Variants in TBC1D32 observed in about 807,000 individuals in gnomAD.
TBC1D32 encodes TBC1 domain family member 32, also known as protein broad-minded.
In TBC1D32, 151 loss-of-function variants were observed where a neutral mutation model predicts 170.3. The ratio of observed to expected loss-of-function variants is 0.89; its 90% CI spans 0.78 to 1.01. The LOEUF is 1.01. Among genes scored for constraint, TBC1D32 ranks in the 50% least tolerant of loss-of-function variants. The pLI is 0.00. For missense variants in TBC1D32, 1,464 were observed against 1,457.1 expected, an observed-to-expected ratio of 1.00 and a Z score of -0.08; for synonymous variants, 498 against 488.0, an observed-to-expected ratio of 1.02 and a Z score of -0.27.
intron 15 of TBC1D32, among the ~76,000 whole-genome samples, chr6:121,264,466 A>G (rs886923989): frequency 6.6e-6 from 1 of 152,192 alleles, no homozygotes; most frequent in Non-Finnish European, 1.5e-5. Flanking sequence ...ATGGATTCAC[A>G]GCCAAATTCT....
intron 12 of TBC1D32, among the ~76,000 whole-genome samples, chr6:121,290,592 C>T (rs1250223248): frequency 2.0e-5 from 3 of 152,288 alleles, no homozygotes; most frequent in African/African-American, 2.4e-5. Context: ...GTCAGTGTGG[C>T]GATTCCTCAG....
intron 9 of TBC1D32, among the ~76,000 whole-genome samples, 156 bp from the exon 10 acceptor site, chr6:121,299,661 A>G (rs1195496532): frequency 6.6e-6 from 1 of 152,196 alleles, no homozygotes; most frequent in Non-Finnish European, 1.5e-5. Context: ...TGTGCATTGT[A>G]TTAGGAGCAA....
intron 24 of TBC1D32, among the ~76,000 whole-genome samples, chr6:121,142,332 C>T (rs759889437): frequency 5.9e-5 from 9 of 152,314 alleles, no homozygotes; most frequent in Non-Finnish European, 1.2e-4. Context: ...AGCGCCACTT[C>T]GGATGTTCTA....
chr6:121,215,855 A>C (rs1180294289), intron 21 of TBC1D32, among the ~76,000 whole-genome samples: 1 of 152,348 alleles, frequency 6.6e-6, no homozygotes, highest in South Asian at 2.1e-4. Flanking sequence ...AGAGTAACAG[A>C]TGATGGTGAA....
Position 121,308,081 on chromosome 6 carries a change from T to C in TBC1D32, c.585A>G (p.Gln195=), listed in dbSNP as rs1176839115. 1.2e-6 allele frequency: 2 copies of C among 1,613,254 alleles called. No homozygotes were observed. Among genetic ancestry groups the C allele is most frequent in the Non-Finnish European group, 8.5e-7 (1 of 1,179,792 alleles). Residue 195 remains glutamine, a synonymous_variant, in exon 5 of 32, where the codon CAA becomes CAG. Coordinates refer to ENST00000398212, the MANE Select transcript of TBC1D32 (RefSeq NM_152730.6). ...QPKEVRYEAL[Q]TLCSAPPSDV... is the part of the protein sequence containing the mutation. ...CAGATGGAGGAGCTGAACATAATGTTTGCAAGGCTTCATATCTCACCTACA... is the reference window on the plus strand; with the variant it reads ...CAGATGGAGGAGCTGAACATAATGTCTGCAAGGCTTCATATCTCACCTACA...
chr6:121,227,228 A>G (rs1427778153), intron 20 of TBC1D32, among the ~76,000 whole-genome samples: 3 of 152,184 alleles, frequency 2.0e-5, no homozygotes, highest in African/African-American at 7.2e-5. Context: ...CTAAGAATGC[A>G]TTTAGATTCA....
At chr6:121,183,211 G>A (rs188524444) in intron 22 of TBC1D32, among the ~76,000 whole-genome samples, 71 of 152,118 alleles carry the variant, frequency 4.7e-4, no homozygotes, top group African/African-American at 1.4e-3. Flanking sequence ...TCTGTACACC[G>A]AAGGAAAGAC....
intron 11 of TBC1D32, among the ~76,000 whole-genome samples, chr6:121,294,013 T>C (rs1805251555): frequency 6.6e-6 from 1 of 152,006 alleles, no homozygotes; most frequent in Non-Finnish European, 1.5e-5. Flanking sequence ...AATAATGTTG[T>C]ATAGGCATTG....
At chr6:121,332,676 G>A (rs908958257) in intron 1 of TBC1D32, among the ~76,000 whole-genome samples, 11 of 152,096 alleles carry the variant, frequency 7.2e-5, no homozygotes, top group African/African-American at 2.7e-4. Context: ...GGATGTGTGT[G>A]AGGTAAATTA....
chr6:121,321,532 C>T, intron 2 of TBC1D32, 101 bp downstream of exon 2: 1 of 1,112,344 alleles, frequency 9.0e-7, no homozygotes, highest in South Asian at 1.8e-5. Flanking sequence ...ATCATTCTGG[C>T]TGCTATGAGG....
chr6:121,085,258 C>CACATATATACATATATACGTATATATAT lies in TBC1D32; in HGVS notation c.3655-4396_3655-4369dup, dbSNP rs1562424812. Among the ~76,000 whole-genome samples the CACATATATACATATATACGTATATATAT allele has an allele frequency of 4.3e-4, 63 of 145,494 alleles. 1 individual carries two copies. The South Asian group carries it at 0.011, about 26-fold the overall frequency. On this transcript the variant is annotated intron_variant, in intron 31 of 31. Coordinates refer to ENST00000398212, the MANE Select transcript of TBC1D32 (RefSeq NM_152730.6). ...ACACATATACATACGTATATATATA[C>CACATATATACATATATACGTATATATAT]ACATATATACATATATACGTATATA...
chr6:121,294,863 T>C (rs1313209944), intron 10 of TBC1D32, among the ~76,000 whole-genome samples: 1 of 152,190 alleles, frequency 6.6e-6, no homozygotes, highest in Non-Finnish European at 1.5e-5. Flanking sequence ...GTGAAAATAT[T>C]TGTGGACCAA....
intron 18 of TBC1D32, 104 bp downstream of exon 18, chr6:121,242,097 C>G: frequency 8.1e-7 from 1 of 1,229,858 alleles, no homozygotes; most frequent in Non-Finnish European, 1.1e-6. Context: ...GGTCTTTTAA[C>G]AGAGGCTTAA....
chr6:121,123,125 AG>A, intron 26 of TBC1D32, among the ~76,000 whole-genome samples: 1 of 152,176 alleles, frequency 6.6e-6, no homozygotes, highest in African/African-American at 2.4e-5. Context: ...TCTTAATGGA[AG>A]AGCTTTCTAT....
At chr6:121,156,229 G>T in intron 24 of TBC1D32, among the ~76,000 whole-genome samples, 1 of 150,968 alleles carries the variant, frequency 6.6e-6, no homozygotes. Context: ...CTTTCTTCCT[G>T]GTTCAATCTT....
chr6:121,227,467 T>C (rs1199754518), intron 20 of TBC1D32, among the ~76,000 whole-genome samples: 1 of 152,158 alleles, frequency 6.6e-6, no homozygotes, highest in Non-Finnish European at 1.5e-5. Context: ...AACTGTATGT[T>C]TTCCAAACAC....
intron 31 of TBC1D32, among the ~76,000 whole-genome samples, chr6:121,083,241 A>AT (rs1477995497): frequency 3.0e-5 from 4 of 134,962 alleles, no homozygotes; most frequent in Admixed American, 1.5e-4. Flanking sequence ...CATTAATTAC[A>AT]TAAGGTAATA....
At chr6:121,247,719 G>GAAAAAAAAAAAAAAAAAAAA (rs1797799170) in intron 17 of TBC1D32, among the ~76,000 whole-genome samples, 1 of 48,860 alleles carries the variant, frequency 2.0e-5, no homozygotes, top group Non-Finnish European at 4.5e-5. Flanking sequence ...AAAAAAAAAA[G>GAAAAAAAAAAAAAAAAAAAA]ACAAAGAAGG....
At chr6:121,296,562 C>A (rs1805673116) in intron 10 of TBC1D32, among the ~76,000 whole-genome samples, 1 of 152,092 alleles carries the variant, frequency 6.6e-6, no homozygotes, top group South Asian at 2.1e-4. Context: ...CAATCACAAC[C>A]CCCTCATTCA....
Sources: allele counts gnomAD v4.1 joint callset (sites outside exome capture counted in the v4.1 genomes callset), GRCh38; gene constraint gnomAD v4.1.1; transcripts MANE v1.5; gene names NCBI Gene and HGNC (gene_info 2026-07-23, HGNC 2026-07-21).